PRKN: variants seen among roughly 807,000 people sequenced by gnomAD.
PRKN encodes parkin RBR E3 ubiquitin protein ligase.
In PRKN, 56 loss-of-function variants were observed where a neutral mutation model predicts 59.5. The ratio of observed to expected loss-of-function variants is 0.94; its 90% CI spans 0.76 to 1.18. The LOEUF is 1.18. PRKN is among the 50% of genes most tolerant of loss of function. The pLI is 0.00. For synonymous variants in PRKN, 250 were observed against 222.1 expected, an observed-to-expected ratio of 1.13 and a Z score of -1.12; for missense variants, 657 against 596.4, an observed-to-expected ratio of 1.10 and a Z score of -1.06.
chr6:161,378,418 G>A lies in PRKN; in HGVS notation c.1167+8376C>T, dbSNP rs1244227486. 6.6e-6 allele frequency among the ~76,000 whole-genome samples: 1 copy of A among 152,188 alleles called. No individual in the cohort carries two copies. The highest frequency in any genetic ancestry group is 1.5e-5 in the Non-Finnish European group (1 of 68,036). ...ACCTGCCGGCAACAAAGAGCGGCAC[G>A]GAGTCCTGTGTGTCCTCCACTCCTC... On this transcript the variant is annotated intron_variant, in intron 10 of 11. Transcript: ENST00000366898. This position sits in a 1 kb window ranked among gnomAD's most constrained non-coding sequence, Gnocchi z 7.3.
At chr6:161,965,002 T>C (rs1289268880) in intron 6 of PRKN, among the ~76,000 whole-genome samples, 1 of 152,040 alleles carries the variant, frequency 6.6e-6, no homozygotes, top group East Asian at 1.9e-4. Flanking sequence ...ACAAATGCAT[T>C]CAAAGGGAAT....
At position 161,549,872 on chromosome 6, in the gene PRKN, T is replaced by C. The variant is rs1388324912; in HGVS notation, c.934-869A>G. Among the ~76,000 whole-genome samples the C allele has an allele frequency of 6.6e-6, 1 of 152,204 alleles. No homozygotes were observed. Among genetic ancestry groups the C allele is most frequent in the Non-Finnish European group, 1.5e-5 (1 of 68,042 alleles). ...ATACAGCAGTGAATGAACAAACTTC[T>C]CCGCCTTCATCCACAGCACTGTAAC... On this transcript the variant is annotated intron_variant, in intron 8 of 11. Transcript: ENST00000366898. The surrounding 1 kb of genome is among the most constrained non-coding windows in gnomAD (Gnocchi z 6.0).
chr6:162,199,514 G>A (rs1784632388), intron 4 of PRKN, among the ~76,000 whole-genome samples: 1 of 152,154 alleles, frequency 6.6e-6, no homozygotes, highest in Non-Finnish European at 1.5e-5. Context: ...GGTCATATAT[G>A]CCACCTAAAG....
At chr6:161,928,287 A>G (rs1779039680) in intron 6 of PRKN, among the ~76,000 whole-genome samples, 1 of 152,192 alleles carries the variant, frequency 6.6e-6, no homozygotes, top group Non-Finnish European at 1.5e-5. Context: ...ATGGATAATG[A>G]CACTTATTAT....
chr6:161,744,923 C>T (rs1455408528), intron 7 of PRKN, among the ~76,000 whole-genome samples: 2 of 152,194 alleles, frequency 1.3e-5, no homozygotes, highest in Non-Finnish European at 2.9e-5. Flanking sequence ...ACTCGAAGCA[C>T]TCAATTGTCT....
chr6:161,711,018 A>G (rs1786728818), intron 7 of PRKN, among the ~76,000 whole-genome samples: 1 of 150,522 alleles, frequency 6.6e-6, no homozygotes, highest in Non-Finnish European at 1.5e-5. Context: ...GATTGTAGAC[A>G]TGGAGAAAGG....
At position 161,355,545 on chromosome 6, in the gene PRKN, G is replaced by A. The variant is rs1255337516; in HGVS notation, c.1285+4543C>T. 1.3e-5 allele frequency among the ~76,000 whole-genome samples: 2 copies of A among 151,920 alleles called. No homozygotes were observed. Among genetic ancestry groups the A allele is most frequent in the Non-Finnish European group, 2.9e-5 (2 of 67,994 alleles). On this transcript the variant is annotated intron_variant, in intron 11 of 11. Transcript: ENST00000366898. This position sits in a 1 kb window ranked among gnomAD's most constrained non-coding sequence, Gnocchi z 6.8. The stretch of plus-strand genomic sequence containing the variant: ...GCCTCCCGAGTAGCTGGGATCACAG[G>A]TGCCTGCCACCACACCTAGCTATTT...
chr6:162,656,770 T>G (rs1778659935), intron 1 of PRKN, among the ~76,000 whole-genome samples: 1 of 152,156 alleles, frequency 6.6e-6, no homozygotes, highest in South Asian at 2.1e-4. Context: ...ACCTTTATCC[T>G]TAACAAGACC....
At chr6:162,652,305 C>T (rs905724815) in intron 1 of PRKN, among the ~76,000 whole-genome samples, 4 of 152,158 alleles carry the variant, frequency 2.6e-5, no homozygotes, top group East Asian at 1.9e-4. Context: ...TATGTCATAG[C>T]GATCTTCTCA....
At chr6:162,718,033 T>C (rs970166990) in intron 1 of PRKN, among the ~76,000 whole-genome samples, 1 of 152,240 alleles carries the variant, frequency 6.6e-6, no homozygotes, top group African/African-American at 2.4e-5. Context: ...TACTTCCTGA[T>C]ATTTTTACAT....
At chr6:161,888,758 A>C (rs1174878745) in intron 6 of PRKN, among the ~76,000 whole-genome samples, 5 of 152,090 alleles carry the variant, frequency 3.3e-5, no homozygotes, top group Non-Finnish European at 7.4e-5. Flanking sequence ...ATAATTTTTC[A>C]ACTCTACTAG....
At chr6:162,699,113 G>A (rs965616470) in intron 1 of PRKN, among the ~76,000 whole-genome samples, 4 of 152,174 alleles carry the variant, frequency 2.6e-5, no homozygotes, top group Non-Finnish European at 4.4e-5. Flanking sequence ...GTCTATGGGT[G>A]TCTTACATGT....
At chr6:161,748,110 A>C (rs1788508835) in intron 7 of PRKN, among the ~76,000 whole-genome samples, 2 of 152,136 alleles carry the variant, frequency 1.3e-5, no homozygotes, top group Admixed American at 1.3e-4. Flanking sequence ...TCCAGCTCAG[A>C]CTTCTGTGTG....
chr6:161,648,583 A>T (rs960719170), intron 7 of PRKN, among the ~76,000 whole-genome samples: 1 of 152,246 alleles, frequency 6.6e-6, no homozygotes, highest in African/African-American at 2.4e-5. Context: ...TATTAAGAGT[A>T]GCCATAGTAA....
chr6:162,159,254 C>T (rs1304146669), intron 4 of PRKN, among the ~76,000 whole-genome samples: 2 of 152,182 alleles, frequency 1.3e-5, no homozygotes, highest in Non-Finnish European at 2.9e-5. Context: ...GTGAGCATTG[C>T]TTTTCTAGGA....
chr6:162,023,729 G>C (rs1393837148), intron 5 of PRKN, among the ~76,000 whole-genome samples: 1 of 152,080 alleles, frequency 6.6e-6, no homozygotes, highest in African/African-American at 2.4e-5. Flanking sequence ...ATTTGGGCCC[G>C]AAAGCAGGAC....
chr6:161,490,487 T>C (rs1240674478), intron 9 of PRKN, among the ~76,000 whole-genome samples: 1 of 149,538 alleles, frequency 6.7e-6, no homozygotes, highest in Admixed American at 6.8e-5. Flanking sequence ...GCCTCCTGGG[T>C]TCAAGCGATT....
At chr6:162,467,447 G>A (rs2128176451) in intron 1 of PRKN, among the ~76,000 whole-genome samples, 1 of 152,216 alleles carries the variant, frequency 6.6e-6, no homozygotes, top group African/African-American at 2.4e-5. Context: ...ACTGAATGAG[G>A]AAACAGCACC....
rs1176824525 is a variant in PRKN, at chr6:162,274,177, A to ATTAATGTAT, written c.172-11421_172-11413dup. 1.3e-4 allele frequency among the ~76,000 whole-genome samples: 19 copies of ATTAATGTAT among 151,386 alleles called. No homozygotes were observed. In the South Asian group the frequency reaches 3.7e-3, roughly 30 times the overall value. On this transcript the variant is annotated intron_variant, in intron 2 of 11. Coordinates refer to ENST00000366898, the MANE Select transcript of PRKN (RefSeq NM_004562.3). ...ATTTAATTAATTAATTTATTAATTT[A>ATTAATGTAT]TTAATGTATTTATTTATTTATTTAT...
Sources: allele counts gnomAD v4.1 joint callset (sites outside exome capture counted in the v4.1 genomes callset), GRCh38; gene constraint gnomAD v4.1.1; non-coding constraint Gnocchi (gnomAD v3.1); transcripts MANE v1.5; gene names NCBI Gene and HGNC (gene_info 2026-07-23, HGNC 2026-07-21).